The following WNT5B variants were observed in gnomAD, a reference collection of about 807,000 sequenced individuals.
The protein encoded by WNT5B is Wnt family member 5B.
Under a neutral mutation model 36.5 loss-of-function variants are expected in WNT5B, and 18 were observed. The observed-to-expected ratio is 0.49, with a 90% CI of 0.34 to 0.73. The LOEUF is 0.73. Among genes scored for constraint, WNT5B ranks in the 30% least tolerant of loss-of-function variants. The pLI, the probability that WNT5B is intolerant of heterozygous loss-of-function variation, is 0.01. For synonymous variants in WNT5B, 213 were observed against 212.3 expected (o/e 1.00, Z -0.03); for missense variants, 424 against 508.4 (o/e 0.83, Z 1.60).
upstream of WNT5B, among the ~76,000 whole-genome samples, chr12:1,628,311 A>G (rs1348504677): frequency 6.6e-6 from 1 of 151,984 alleles, no homozygotes; most frequent in Non-Finnish European, 1.5e-5. Context: ...ATGTGCCACC[A>G]CATCTGGCTA....
upstream of WNT5B, among the ~76,000 whole-genome samples, chr12:1,626,816 C>T (rs555568835): frequency 1.1e-3 from 161 of 152,164 alleles, no homozygotes; most frequent in Non-Finnish European, 1.5e-3. Context: ...CTGCCCGCCT[C>T]GGCCTCCCAA....
chr12:1,622,921 T>A (rs2094535801), intron 1 of WNT5B, among the ~76,000 whole-genome samples: 1 of 152,156 alleles, frequency 6.6e-6, no homozygotes, highest in Non-Finnish European at 1.5e-5. Context: ...GAAGGCCTCT[T>A]GGAAGGTGTG....
chr12:1,623,321 G>A (rs71435027), intron 1 of WNT5B, among the ~76,000 whole-genome samples: 3 of 147,040 alleles, frequency 2.0e-5, no homozygotes, highest in East Asian at 4.1e-4. Flanking sequence ...TCAGCCTCCC[G>A]AGTAGCTGGG....
At chr12:1,617,149 G>A (rs896671866) in intron 1 of WNT5B, 5 of 152,158 alleles carry the variant, frequency 3.3e-5, no homozygotes, top group East Asian at 1.9e-4. Context: ...ATCAGGTGAG[G>A]CCATAACTTC....
At chr12:1,631,543 G>C in intron 2 of WNT5B, 109 bp downstream of exon 2, 1 of 1,533,392 alleles carries the variant, frequency 6.5e-7, no homozygotes, top group Non-Finnish European at 8.8e-7. Flanking sequence ...ATTCCTGGGA[G>C]TACTAAGGGC....
intron 3 of WNT5B, among the ~76,000 whole-genome samples, chr12:1,636,621 G>GCCT (rs1289921682): frequency 1.5e-4 from 22 of 146,890 alleles, no homozygotes; most frequent in African/African-American, 5.6e-4. Context: ...GCTCATTGCA[G>GCCT]CCTCCAACTC....
chr12:1,640,847 T>A (rs1341504835), intron 4 of WNT5B, among the ~76,000 whole-genome samples: 1 of 152,268 alleles, frequency 6.6e-6, no homozygotes, highest in African/African-American at 2.4e-5. Flanking sequence ...CTCTGCCTTT[T>A]GCTGCTTCTG....
rs750397478 is a variant in WNT5B at position 1,646,037 on chromosome 12, C to A, written c.865C>A (p.Leu289Met). Residue 289 changes from leucine to methionine, a missense_variant, in exon 5 of 5, where the codon CTG (leucine) becomes ATG (methionine). Transcript: ENST00000397196. ...TGTGGACCCCAGCCCCGACTACTGC[C>A]TGCGCAACGAGAGCACGGGCTCCCT... ...VYVDPSPDYC[L>M]RNESTGSLGT... The A allele has an allele frequency of 7.4e-6, 12 of 1,613,338 alleles. No homozygotes were observed. Among genetic ancestry groups the A allele is most frequent in the Middle Eastern group, 1.6e-4 (1 of 6,062 alleles).
In WNT5B at chr12:1,632,300, C is replaced by G. The variant is rs766882127; in HGVS notation, c.81-358C>G. The stretch of plus-strand genomic sequence containing the variant: ...TAAAATGAAGAGCTGCTCCCCACCC[C>G]TCGTCTTCTTATCTGCCTGACCCCC... On this transcript the variant is annotated intron_variant, in intron 2 of 4. Transcript: ENST00000397196. The surrounding 1 kb of genome is among the most constrained non-coding windows in gnomAD (Gnocchi z 5.8). 1.3e-5 allele frequency among the ~76,000 whole-genome samples: 2 copies of G among 152,198 alleles called. No homozygotes were observed. The highest frequency in any genetic ancestry group is 2.9e-5 in the Non-Finnish European group (2 of 68,040).
rs1353906448 is a variant in WNT5B at position 1,646,023 on chromosome 12, G to C, written c.851G>C (p.Ser284Thr). The C allele has an allele frequency of 6.2e-7, 1 of 1,612,816 alleles. No individual in the cohort carries two copies. Among genetic ancestry groups the C allele is most frequent in the East Asian group, 2.2e-5 (1 of 44,882 alleles). ...TPEDLVYVDP[S>T]PDYCLRNEST... The stretch of plus-strand genomic sequence containing the variant: ...GAGGACCTGGTCTATGTGGACCCCA[G>C]CCCCGACTACTGCCTGCGCAACGAG... The change falls in exon 5 of 5, where the codon AGC (serine) becomes ACC (threonine). Residue 284 changes from serine (S) to threonine (T), a missense_variant. Coordinates refer to ENST00000397196, the MANE Select transcript of WNT5B (RefSeq NM_032642.3).
chr12:1,642,069 CAGTGCGTGG>C (rs1453241000), intron 4 of WNT5B, among the ~76,000 whole-genome samples: 1 of 152,098 alleles, frequency 6.6e-6, no homozygotes, highest in Non-Finnish European at 1.5e-5. Context: ...AAGGTGGGGT[CAGTGCGTGG>C]TGATGTTAGG....
At chr12:1,635,979 C>G (rs2094559899) in intron 3 of WNT5B, among the ~76,000 whole-genome samples, 2 of 152,090 alleles carry the variant, frequency 1.3e-5, no homozygotes, top group African/African-American at 4.8e-5. Context: ...GAAGTAGGGC[C>G]AAGGGAGAGA....
At chr12:1,643,686 C>CTTTTTTTT (rs368172169) in intron 4 of WNT5B, among the ~76,000 whole-genome samples, 34 of 97,432 alleles carry the variant, frequency 3.5e-4, no homozygotes, top group Admixed American at 5.6e-4. Flanking sequence ...TTTTTGAAAG[C>CTTTTTTTT]TTTTTTTTTT....
At position 1,630,071 on chromosome 12, in the gene WNT5B, C is replaced by T; in HGVS notation, c.-58+700C>T. 1.0e-6 allele frequency: 1 copy of T among 957,068 alleles called. No individual in the cohort carries two copies. Among genetic ancestry groups the T allele is most frequent in the Non-Finnish European group, 1.2e-6 (1 of 804,058 alleles). 59.3% of individuals were successfully genotyped at this position (957,068 alleles called of 1,614,324 possible). ...GGCTGTGTCCCAGCTCTCCTGGACC[C>T]TGCTCGGGCCACTGTCCTCTCCTGG... is the stretch of plus-strand genomic sequence containing the variant. On this transcript the variant is annotated intron_variant, in intron 1 of 4. Transcript: ENST00000397196. This position sits in a 1 kb window ranked among gnomAD's most constrained non-coding sequence, Gnocchi z 5.3.
At chr12:1,636,049 C>T (rs2094560066) in intron 3 of WNT5B, among the ~76,000 whole-genome samples, 1 of 152,154 alleles carries the variant, frequency 6.6e-6, no homozygotes, top group African/African-American at 2.4e-5. Context: ...CAAGACAAGA[C>T]TCTGGGATTC....
chr12:1,624,723 G>A (rs1013546428), upstream of WNT5B, among the ~76,000 whole-genome samples: 4 of 152,266 alleles, frequency 2.6e-5, no homozygotes, highest in African/African-American at 9.6e-5. Context: ...CATACTGGGC[G>A]CAAAGGGGCT....
At chr12:1,640,004 G>A (rs2094571680) in intron 4 of WNT5B, 28 bp downstream of exon 4, 2 of 1,592,766 alleles carry the variant, frequency 1.3e-6, no homozygotes, top group Admixed American at 1.8e-5. Flanking sequence ...GGCCTCCCCA[G>A]CACTGCAGAC....
rs2094555438 is a variant in WNT5B, at chr12:1,633,783, G to T, written c.328+878G>T. Reference sequence around the variant, plus strand: ...TGAGGCTGGAGTTTCCCCAGAGAGGGATTTCAGCCTGGGAGGGGAGTTGGG... The same window carrying T: ...TGAGGCTGGAGTTTCCCCAGAGAGGTATTTCAGCCTGGGAGGGGAGTTGGG... On this transcript the variant is annotated intron_variant, in intron 3 of 4. Transcript: ENST00000397196. This position sits in a 1 kb window ranked among gnomAD's most constrained non-coding sequence, Gnocchi z 4.8. 1.3e-5 allele frequency among the ~76,000 whole-genome samples: 2 copies of T among 152,178 alleles called. No homozygotes were observed. The highest frequency in any genetic ancestry group is 4.8e-5 in the African/African-American group (2 of 41,444).
rs1254659422 is a variant in WNT5B, at chr12:1,639,718, C to T, written c.363C>T (p.Ser121=). 2.5e-6 allele frequency: 4 copies of T among 1,586,648 alleles called. No homozygotes were observed. Among genetic ancestry groups the T allele is most frequent in the South Asian group, 1.1e-5 (1 of 88,680 alleles). ...SRETAFTHAV[S]AAGVVNAISR... is the part of the protein sequence containing the mutation. ...AGACCGCCTTCACCCACGCGGTGAGCGCCGCGGGCGTGGTCAACGCCATCA... is the reference window on the plus strand; with the variant it reads ...AGACCGCCTTCACCCACGCGGTGAGTGCCGCGGGCGTGGTCAACGCCATCA... The change falls in exon 4 of 5, where the codon AGC becomes AGT. Residue 121 remains serine, a synonymous_variant. Transcript: ENST00000397196.
Sources: gnomAD v4.1 joint callset for allele counts (sites outside exome capture counted in the v4.1 genomes callset) on GRCh38, gnomAD v4.1.1 for gene constraint, Gnocchi (gnomAD v3.1) non-coding constraint, MANE v1.5 for transcripts, NCBI Gene and HGNC (gene_info 2026-07-23, HGNC 2026-07-21) for gene names.